Variants in VPS37A observed in about 807,000 individuals in gnomAD.
VPS37A encodes VPS37A subunit of ESCRT-I.
Under a neutral mutation model 49.8 loss-of-function variants are expected in VPS37A, and 30 were observed. That is an observed-to-expected ratio of 0.60 (90% CI 0.45 to 0.82). The LOEUF (loss-of-function observed/expected upper bound fraction) is 0.82. Among genes scored for constraint, VPS37A ranks in the 40% least tolerant of loss-of-function variants. VPS37A has a pLI of 0.00. For synonymous variants in VPS37A, 195 were observed against 160.6 expected, an observed-to-expected ratio of 1.21 and a Z score of -1.62; for missense variants, 593 against 464.4, an observed-to-expected ratio of 1.28 and a Z score of -2.55.
rs1816681939 is a variant in VPS37A, at chr8:17,296,817, TCTTTAAAGTTGAA to T, written c.*1834_*1846del. ...AGTAGTTCATCTCAGTGTTTTTTATTCTTTAAAGTTGAACTATCCCAGTTTCATTCTATACCAT... is the reference window on the plus strand; with the variant it reads ...AGTAGTTCATCTCAGTGTTTTTTATTCTATCCCAGTTTCATTCTATACCAT... On this transcript the variant is annotated 3_prime_UTR_variant, in exon 12 of 12. Coordinates refer to ENST00000324849, the MANE Select transcript of VPS37A (RefSeq NM_152415.3). 2 of 152,222 alleles carry T rather than the reference TCTTTAAAGTTGAA, an allele frequency of 1.3e-5. No individual in the cohort carries two copies. Among genetic ancestry groups the T allele is most frequent in the South Asian group, 4.1e-4 (2 of 4,830 alleles). 9.4% of individuals were successfully genotyped at this position (152,222 alleles called of 1,614,324 possible).
intron 1 of VPS37A, among the ~76,000 whole-genome samples, chr8:17,261,515 C>G (rs11779782): frequency 6.6e-6 from 1 of 152,130 alleles, no homozygotes; most frequent in African/African-American, 2.4e-5. Context: ...TCCCTGTTTG[C>G]TCTTGTTTCC....
chr8:17,264,828 G>A (rs1813295345), intron 1 of VPS37A, among the ~76,000 whole-genome samples: 1 of 151,972 alleles, frequency 6.6e-6, no homozygotes, highest in African/African-American at 2.4e-5. Flanking sequence ...TTTCCCCCTT[G>A]GAAATATCAT....
At chr8:17,275,921 C>A (rs114924131) in intron 5 of VPS37A, among the ~76,000 whole-genome samples, 1,810 of 152,170 alleles carry the variant, frequency 0.012, 33 homozygotes, top group African/African-American at 0.04. Context: ...AACAAAATTA[C>A]AAGAGGACTT....
downstream of VPS37A, chr8:17,299,373 G>C (rs541656113): frequency 1.2e-3 from 183 of 153,770 alleles, no homozygotes; most frequent in Non-Finnish European, 1.4e-3. Flanking sequence ...TAACTAAAAA[G>C]GGTGCATCTC....
chr8:17,317,795 G>A, the VPS37A span, among the ~76,000 whole-genome samples: 1 of 152,118 alleles, frequency 6.6e-6, no homozygotes, highest in African/African-American at 2.4e-5. Flanking sequence ...GCCATAAATT[G>A]CAGCTTTTTT....
At chr8:17,258,521 G>A (rs2150358427) in intron 1 of VPS37A, among the ~76,000 whole-genome samples, 1 of 152,134 alleles carries the variant, frequency 6.6e-6, no homozygotes, top group East Asian at 1.9e-4. Context: ...CTTTTTTAAT[G>A]TTTTGTCGAA....
At chr8:17,314,930 G>T in the VPS37A span, among the ~76,000 whole-genome samples, 1 of 152,272 alleles carries the variant, frequency 6.6e-6, no homozygotes, top group African/African-American at 2.4e-5. Flanking sequence ...CTATGTGTCT[G>T]ATAAAGTACA....
At chr8:17,261,172 TC>T (rs1812927588) in intron 1 of VPS37A, among the ~76,000 whole-genome samples, 1 of 152,208 alleles carries the variant, frequency 6.6e-6, no homozygotes, top group Non-Finnish European at 1.5e-5. Context: ...CAGTCTTTTT[TC>T]TTCTTTCTCT....
intron 1 of VPS37A, among the ~76,000 whole-genome samples, chr8:17,250,510 T>G (rs1811875040): frequency 6.6e-6 from 1 of 152,148 alleles, no homozygotes; most frequent in South Asian, 2.1e-4. Context: ...TCCCTCATGT[T>G]TCGTTTTATG....
At chr8:17,288,829 C>T (rs867594456) in intron 11 of VPS37A, among the ~76,000 whole-genome samples, 1 of 152,206 alleles carries the variant, frequency 6.6e-6, no homozygotes, top group Admixed American at 6.5e-5. Flanking sequence ...AATTTACACT[C>T]CCACCAACAG....
rs67718316 is a variant in VPS37A, at chr8:17,277,861, TACACACACACACAC to T, written c.713+1422_713+1435del. Reference sequence around the variant, plus strand: ...ATTTCTCCCCAACTTTTCTCTTTTATACACACACACACACACACACACACACACACACACACACA... The same window carrying T: ...ATTTCTCCCCAACTTTTCTCTTTTATACACACACACACACACACACACACA... On this transcript the variant is annotated intron_variant, in intron 6 of 11. Transcript: ENST00000324849. 3.4e-4 allele frequency among the ~76,000 whole-genome samples: 48 copies of T among 140,992 alleles called. 1 individual carries two copies. Among genetic ancestry groups the T allele is most frequent in the South Asian group, 7.0e-4 (3 of 4,274 alleles). 92.5% of individuals were successfully genotyped at this position (140,992 alleles called of 152,430 possible).
downstream of VPS37A, chr8:17,306,074 A>G: frequency 1.2e-6 from 1 of 800,486 alleles, no homozygotes; most frequent in Non-Finnish European, 1.9e-6. Context: ...TTATCTTACA[A>G]ACTTGGAATG....
chr8:17,318,386 T>G, the VPS37A span, among the ~76,000 whole-genome samples: 1 of 151,924 alleles, frequency 6.6e-6, no homozygotes, highest in Non-Finnish European at 1.5e-5. Flanking sequence ...ACAGCGTTCA[T>G]GATAATGGCT....
chr8:17,280,416 G>A lies in VPS37A; in HGVS notation c.942G>A (p.Lys314=). 1 of 1,609,066 alleles carries A rather than the reference G, an allele frequency of 6.2e-7. No individual in the cohort carries two copies. Among genetic ancestry groups the A allele is most frequent in the South Asian group, 1.1e-5 (1 of 89,770 alleles). The part of the protein sequence containing the change: ...LTQMKSTFEK[K]MQRQHELSES... ...AGATGAAGTCCACTTTCGAAAAGAA[G>A]ATGCAAAGGCAGCATGAACTTAGTG... is the stretch of plus-strand genomic sequence containing the variant. The change falls in exon 9 of 12, where the codon AAG becomes AAA. Residue 314 remains lysine (K), a synonymous_variant. Coordinates refer to ENST00000324849, the MANE Select transcript of VPS37A (RefSeq NM_152415.3).
intron 4 of VPS37A, among the ~76,000 whole-genome samples, chr8:17,273,249 C>T (rs1356710375): frequency 1.3e-5 from 2 of 152,002 alleles, no homozygotes; most frequent in Non-Finnish European, 2.9e-5. Flanking sequence ...AGTGCTGCTC[C>T]AGTAAATAAT....
At chr8:17,283,384 A>C (rs1270542624) in intron 9 of VPS37A, among the ~76,000 whole-genome samples, 5 of 152,114 alleles carry the variant, frequency 3.3e-5, no homozygotes, top group Non-Finnish European at 7.4e-5. Flanking sequence ...ATGAACTCCC[A>C]GGCTCAAGCC....
In VPS37A at chr8:17,255,200, C is replaced by A. The variant is rs181847110; in HGVS notation, c.125+7831C>A. Reference sequence around the variant, plus strand: ...ACAAAATATAAACTAAGTGGGCTGGCTGCAGTGGCTCACTGAGCGCCTGTA... The same window carrying A: ...ACAAAATATAAACTAAGTGGGCTGGATGCAGTGGCTCACTGAGCGCCTGTA... On this transcript the variant is annotated intron_variant, in intron 1 of 11. Coordinates refer to ENST00000324849, the MANE Select transcript of VPS37A (RefSeq NM_152415.3). Among the ~76,000 whole-genome samples the A allele has an allele frequency of 7.2e-4, 110 of 152,276 alleles. No individual in the cohort carries two copies. In the Middle Eastern group the frequency reaches 0.014, roughly 19 times the overall value.
chr8:17,259,910 G>A (rs142276195), intron 1 of VPS37A, among the ~76,000 whole-genome samples: 2 of 152,034 alleles, frequency 1.3e-5, no homozygotes, highest in Non-Finnish European at 2.9e-5. Context: ...TTGGTTTCCA[G>A]TTGCATGAAA....
intron 1 of VPS37A, among the ~76,000 whole-genome samples, chr8:17,253,163 A>G (rs1812130536): frequency 1.3e-5 from 2 of 152,190 alleles, no homozygotes; most frequent in East Asian, 3.9e-4. Context: ...ATTGCTAGTT[A>G]AATCAGCTAC....
Sources: gnomAD v4.1 joint callset for allele counts (sites outside exome capture counted in the v4.1 genomes callset) on GRCh38, gnomAD v4.1.1 for gene constraint, MANE v1.5 for transcripts, NCBI Gene and HGNC (gene_info 2026-07-23, HGNC 2026-07-21) for gene names.